FGD6: variants seen among roughly 807,000 people sequenced by gnomAD.
The protein encoded by FGD6 is FYVE, RhoGEF and PH domain-containing protein 6.
In FGD6, 90 loss-of-function variants were observed where a neutral mutation model predicts 149.4. The ratio of observed to expected loss-of-function variants is 0.60; its 90% CI spans 0.51 to 0.72. The LOEUF is 0.72. Among genes scored for constraint, FGD6 ranks in the 30% least tolerant of loss-of-function variants. The probability of loss-of-function intolerance (pLI) is 0.00; values close to 1 mark genes in which losing one functional copy is unlikely to be tolerated. For missense variants in FGD6, 1,437 were observed against 1,684.8 expected (o/e 0.85, Z 2.57); for synonymous variants, 527 against 584.0 (o/e 0.90, Z 1.41).
chr12:95,210,373 T>C lies in FGD6; in HGVS notation c.911A>G (p.His304Arg). The C allele has an allele frequency of 6.2e-7, 1 of 1,613,716 alleles. No homozygotes were observed. The highest frequency in any genetic ancestry group is 8.5e-7 in the Non-Finnish European group (1 of 1,179,918). The change falls in exon 2 of 21, where the codon CAT becomes CGT. Residue 304 changes from histidine (H) to arginine (R), a missense_variant. Coordinates refer to ENST00000343958, the MANE Select transcript of FGD6 (RefSeq NM_018351.4). ...EVKDLGPLEI[H>R]LVPYTPKFPT... ...AAATTTTGGGGTATATGGTACTAAA[T>C]GAATTTCTAAGGGACCAAGGTCTTT...
Position 95,104,994 on chromosome 12 carries a change from A to C in FGD6, c.3497+13T>G. On this transcript the variant is annotated intron_variant, in intron 14 of 20. Transcript: ENST00000343958. ...GAGAAAAAAAAAAAAAAAAAGAAGA[A>C]GAAAAAATTTACCTGGCTGAGAGAA... The C allele has an allele frequency of 1.3e-6, 2 of 1,569,982 alleles. No individual in the cohort carries two copies. The highest frequency in any genetic ancestry group is 1.7e-6 in the Non-Finnish European group (2 of 1,166,188).
At chr12:95,108,678 G>C in intron 9 of FGD6, 117 bp from the exon 10 acceptor site, 1 of 1,155,846 alleles carries the variant, frequency 8.7e-7, no homozygotes. Context: ...ACCTCTGGAG[G>C]AGCTTATTGA....
At chr12:95,119,812 CG>C (rs1253382503) in intron 8 of FGD6, among the ~76,000 whole-genome samples, 14 of 152,216 alleles carry the variant, frequency 9.2e-5, no homozygotes, top group Admixed American at 7.9e-4. Context: ...CCCAGCTACT[CG>C]GGAGGTGGAG....
In FGD6 at chr12:95,083,998, T is replaced by C. The variant is rs566351636; in HGVS notation, c.4256+500A>G. 2.6e-3 allele frequency among the ~76,000 whole-genome samples: 390 copies of C among 152,340 alleles called. 2 individuals carry two copies. The highest frequency in any genetic ancestry group is 9.1e-3 in the African/African-American group (377 of 41,582). On this transcript the variant is annotated intron_variant, in intron 20 of 20. Transcript: ENST00000343958. The stretch of plus-strand genomic sequence containing the variant: ...TTTCAGCCTTTGCCATCTAAACTGA[T>C]AGCCATTTCCTTCTACTCAGTCACT...
In FGD6 at chr12:95,175,037, C is replaced by T. The variant is rs1047695792; in HGVS notation, c.2442-2293G>A. Among the ~76,000 whole-genome samples, 5 of 150,942 alleles carry T rather than the reference C, an allele frequency of 3.3e-5. No individual in the cohort carries two copies. In the East Asian group the frequency reaches 9.8e-4, roughly 30 times the overall value. The stretch of plus-strand genomic sequence containing the variant: ...AAGGCTATTATTAAGAATATAGTAA[C>T]TAGGTGTTGCCACATCCATTAGGGA... On this transcript the variant is annotated intron_variant, in intron 2 of 20. Transcript: ENST00000343958.
At chr12:95,181,797 C>CA (rs1173494827) in intron 2 of FGD6, among the ~76,000 whole-genome samples, 24 of 151,922 alleles carry the variant, frequency 1.6e-4, no homozygotes, top group South Asian at 2.1e-4. Context: ...ACTAAAAATA[C>CA]AAAAAAATTA....
At chr12:95,129,290 TGCATCC>T in intron 8 of FGD6, among the ~76,000 whole-genome samples, 1 of 85,756 alleles carries the variant, frequency 1.2e-5, no homozygotes, top group African/African-American at 5.8e-5. Flanking sequence ...TATGCATCCA[TGCATCC>T]ATGCATGCAT....
intron 15 of FGD6, among the ~76,000 whole-genome samples, chr12:95,093,216 G>A (rs1004935886): frequency 1.7e-4 from 25 of 151,298 alleles, no homozygotes; most frequent in African/African-American, 5.1e-4. Flanking sequence ...GTGGGACTCC[G>A]TCTCAAAAAA....
intron 2 of FGD6, among the ~76,000 whole-genome samples, chr12:95,180,275 C>A (rs1451314260): frequency 1.3e-5 from 2 of 151,766 alleles, no homozygotes; most frequent in Non-Finnish European, 2.9e-5. Context: ...AACATGCTGA[C>A]ATATACCAGG....
chr12:95,096,034 G>T (rs1407941116), intron 14 of FGD6, among the ~76,000 whole-genome samples: 3 of 150,092 alleles, frequency 2.0e-5, no homozygotes, highest in Admixed American at 6.7e-5. Context: ...AAAAGCAGAA[G>T]TAAAATGACC....
rs1247783938 is a variant in FGD6, at chr12:95,210,764, A to C, written c.520T>G (p.Leu174Val). 2.5e-6 allele frequency: 4 copies of C among 1,614,124 alleles called. No homozygotes were observed. The highest frequency in any genetic ancestry group is 3.4e-6 in the Non-Finnish European group (4 of 1,180,026). Reference protein sequence around the residue: ...EKAKNQGGVVLKASVLEEELK... With the variant: ...EKAKNQGGVVVKASVLEEELK... ...TCCTCTTCTAAAACGCTTGCCTTTA[A>C]AACAACCCCACCCTGGTTCTTGGCT... The change falls in exon 2 of 21, where the codon TTA becomes GTA. Residue 174 changes from leucine (L) to valine (V), a missense_variant. Around this residue, in one of 2 missense-constraint regions of FGD6, gnomAD observed 1,055 missense variants for 1,146.0 expected, o/e 0.92. Transcript: ENST00000343958.
rs563263969 is a variant in FGD6 at position 95,143,191 on chromosome 12, G to A, written c.2686-1652C>T. ...ACTGCTTTCCCTTCAGGGATTTACC[G>A]GGCAAATGAAATCAACCAAAAAAGT... On this transcript the variant is annotated intron_variant, in intron 5 of 20. Coordinates refer to ENST00000343958, the MANE Select transcript of FGD6 (RefSeq NM_018351.4). Among the ~76,000 whole-genome samples the A allele has an allele frequency of 6.6e-5, 10 of 152,056 alleles. No individual in the cohort carries two copies. The East Asian group carries it at 7.7e-4, about 12-fold the overall frequency.
At chr12:95,127,318 A>G (rs6538600) in intron 8 of FGD6, among the ~76,000 whole-genome samples, 133,723 of 152,176 alleles carry the variant, frequency 0.88, 59,106 homozygotes, top group African/African-American at 0.97. Flanking sequence ...GGCCGAGGCA[A>G]GTGGATCACG....
chr12:95,088,245 T>TG (rs1270968032), intron 18 of FGD6, among the ~76,000 whole-genome samples: 1 of 152,150 alleles, frequency 6.6e-6, no homozygotes, highest in African/African-American at 2.4e-5. Context: ...ATCAGGGTTG[T>TG]GGGGGTGAGG....
intron 3 of FGD6, among the ~76,000 whole-genome samples, chr12:95,160,325 A>G (rs1018189206): frequency 6.6e-5 from 10 of 152,190 alleles, no homozygotes; most frequent in African/African-American, 2.2e-4. Context: ...CCACAATGAT[A>G]TACTTCACAC....
chr12:95,134,144 T>TA (rs1408192242), intron 8 of FGD6, among the ~76,000 whole-genome samples: 1 of 151,868 alleles, frequency 6.6e-6, no homozygotes, highest in African/African-American at 2.4e-5. Context: ...ATTATTCCTG[T>TA]TTTTTTTAGA....
intron 2 of FGD6, among the ~76,000 whole-genome samples, chr12:95,188,406 A>G (rs1440119618): frequency 6.6e-6 from 1 of 152,132 alleles, no homozygotes; most frequent in Non-Finnish European, 1.5e-5. Context: ...TGTAGAGGAC[A>G]TGTTACCACA....
chr12:95,082,654 CAAAA>C (rs71075900), intron 20 of FGD6, among the ~76,000 whole-genome samples: 5 of 67,766 alleles, frequency 7.4e-5, no homozygotes, highest in South Asian at 5.3e-4. Flanking sequence ...GAGACTGTCT[CAAAA>C]AAAAAAAAAA....
chr12:95,125,931 A>G (rs892588858), intron 8 of FGD6: 12 of 1,453,004 alleles, frequency 8.3e-6, no homozygotes, highest in Non-Finnish European at 9.7e-7. Context: ...CATGCAGCTC[A>G]CTGATTTCAT....
Sources: allele counts gnomAD v4.1 joint callset (sites outside exome capture counted in the v4.1 genomes callset), GRCh38; gene constraint gnomAD v4.1.1; regional missense constraint gnomAD v4.1.1; transcripts MANE v1.5; gene names NCBI Gene and HGNC (gene_info 2026-07-23, HGNC 2026-07-21).